The following OTOP1 variants were observed in gnomAD, a reference collection of about 807,000 sequenced individuals.
OTOP1 encodes proton channel OTOP1.
Under a neutral mutation model 52.9 loss-of-function variants are expected in OTOP1, and 59 were observed. The ratio of observed to expected loss-of-function variants is 1.12; its 90% CI spans 0.91 to 1.39. The LOEUF (loss-of-function observed/expected upper bound fraction) is 1.39. Ranked by LOEUF, OTOP1 falls within the 40% of genes most tolerant of loss-of-function variation. OTOP1 has a pLI of 0.00. For synonymous variants in OTOP1, 317 were observed against 337.7 expected, an observed-to-expected ratio of 0.94 and a Z score of 0.67; for missense variants, 761 against 800.9, an observed-to-expected ratio of 0.95 and a Z score of 0.60.
At chr4:4,216,524 T>C (rs1408719324) in intron 1 of OTOP1, among the ~76,000 whole-genome samples, 1 of 152,192 alleles carries the variant, frequency 6.6e-6, no homozygotes, top group East Asian at 1.9e-4. Context: ...ATCTCCAGCC[T>C]CAGAAGCCTC....
At chr4:4,221,043 CTATTTTATTTTATTTTATTT>C (rs144687423) in intron 1 of OTOP1, among the ~76,000 whole-genome samples, 4,029 of 129,456 alleles carry the variant, frequency 0.031, 77 homozygotes, top group African/African-American at 0.054. Context: ...TTATTTTATT[CTATTTTATTTTATTTTATTT>C]TATTTTATTT....
At chr4:4,199,674 A>G (rs996915913) in intron 4 of OTOP1, among the ~76,000 whole-genome samples, 6 of 152,184 alleles carry the variant, frequency 3.9e-5, no homozygotes, top group African/African-American at 1.4e-4. Flanking sequence ...CCGCCTCCCA[A>G]AGTTCTGGGA....
At chr4:4,223,363 G>C (rs1393285721) in intron 1 of OTOP1, among the ~76,000 whole-genome samples, 2 of 152,120 alleles carry the variant, frequency 1.3e-5, no homozygotes, top group African/African-American at 4.8e-5. Context: ...AAAGGAGGCA[G>C]AGAGAGAGGA....
At position 4,205,159 on chromosome 4, in the gene OTOP1, C is replaced by G. The variant is rs116408330; in HGVS notation, c.599+913G>C. The stretch of plus-strand genomic sequence containing the variant: ...TGTCGATTCTTTCCTTCCATCCTCA[C>G]CATCCCCTGGGAGGGTGGTGGGTGG... On this transcript the variant is annotated intron_variant, in intron 3 of 5. Coordinates refer to ENST00000296358, the MANE Select transcript of OTOP1 (RefSeq NM_177998.3). 7.1e-3 allele frequency among the ~76,000 whole-genome samples: 1,088 copies of G among 152,298 alleles called. 6 individuals carry two copies. The highest frequency in any genetic ancestry group is 0.025 in the African/African-American group (1,041 of 41,560).
At chr4:4,215,457 T>C (rs1409867448) in intron 1 of OTOP1, among the ~76,000 whole-genome samples, 1 of 151,430 alleles carries the variant, frequency 6.6e-6, no homozygotes, top group African/African-American at 2.4e-5. Context: ...AGGTTGGGAG[T>C]TCGAGAGCAG....
chr4:4,206,092 C>T lies in OTOP1; in HGVS notation c.579G>A (p.Gln193=), dbSNP rs1449676145. 10 of 1,607,224 alleles carry T rather than the reference C, an allele frequency of 6.2e-6. No homozygotes were observed. The highest frequency in any genetic ancestry group is 8.5e-6 in the Non-Finnish European group (10 of 1,174,058). The part of the protein sequence containing the change: ...FLWGHAKDII[Q]SFKTLERFGV... ...TTTACCTTTCCAGTGTTTTGAAAGA[C>T]TGGATAATATCCTTTGCATGCCCCC... is the stretch of plus-strand genomic sequence containing the variant. The change falls in exon 3 of 6, where the codon CAG becomes CAA. Residue 193 remains glutamine, a synonymous_variant. Transcript: ENST00000296358.
intron 4 of OTOP1, among the ~76,000 whole-genome samples, chr4:4,198,377 A>ACTCTATTGT (rs1716701526): frequency 6.6e-6 from 1 of 151,920 alleles, no homozygotes; most frequent in Non-Finnish European, 1.5e-5. Context: ...AAAAATAGAT[A>ACTCTATTGT]TGTAGATGAT....
At chr4:4,209,364 T>A (rs2083722) in intron 2 of OTOP1, among the ~76,000 whole-genome samples, 182 of 152,334 alleles carry the variant, frequency 1.2e-3, no homozygotes, top group African/African-American at 4.0e-3. Context: ...TCCAGTCATC[T>A]AATGTAGCAA....
At chr4:4,206,436 A>T (rs1292013537) in intron 2 of OTOP1, among the ~76,000 whole-genome samples, 1 of 152,252 alleles carries the variant, frequency 6.6e-6, no homozygotes, top group Non-Finnish European at 1.5e-5. Flanking sequence ...GTATGGAAGT[A>T]GTAGCCTGCT....
intron 1 of OTOP1, among the ~76,000 whole-genome samples, chr4:4,221,987 CT>C (rs762159223): frequency 5.9e-5 from 9 of 152,134 alleles, no homozygotes; most frequent in Non-Finnish European, 1.3e-4. Flanking sequence ...ATCTTCTTCC[CT>C]GGAGCTTCTA....
chr4:4,223,437 G>A (rs369687850), intron 1 of OTOP1, among the ~76,000 whole-genome samples: 5,714 of 151,552 alleles, frequency 0.038, 145 homozygotes, highest in African/African-American at 0.062. Flanking sequence ...ATGGATGGAT[G>A]GATGGATGAT....
chr4:4,199,610 G>A (rs1259519064), intron 4 of OTOP1, among the ~76,000 whole-genome samples: 6 of 152,024 alleles, frequency 3.9e-5, no homozygotes, highest in African/African-American at 1.4e-4. Flanking sequence ...ACAGGGTTCC[G>A]CCACGTTGGC....
In OTOP1 at chr4:4,198,009, T is replaced by A. The variant is rs759785476; in HGVS notation, c.825A>T (p.Ile275=). 21 of 1,613,898 alleles carry A rather than the reference T, an allele frequency of 1.3e-5. No individual in the cohort carries two copies. The highest frequency in any genetic ancestry group is 1.6e-4 in the Middle Eastern group (1 of 6,082). Residue 275 remains isoleucine (I), a synonymous_variant, in exon 5 of 6, where the codon ATA becomes ATT. Coordinates refer to ENST00000296358, the MANE Select transcript of OTOP1 (RefSeq NM_177998.3). ...TTGTGGAGGCCAGGATCTGATACTC[T>A]ATGTTGAAGGGGTAGAGGTAGTAGA... ...HGIYYLYPFN[I]EYQILASTML...
rs1489112546 is a variant in OTOP1 at position 4,199,253 on chromosome 4, A to T, written c.731-1150T>A. 4.0e-4 allele frequency among the ~76,000 whole-genome samples: 30 copies of T among 75,112 alleles called. 1 individual carries two copies. The highest frequency in any genetic ancestry group is 9.7e-4 in the African/African-American group (20 of 20,532). 49.3% of individuals were successfully genotyped at this position (75,112 alleles called of 152,430 possible). A position where few individuals can be genotyped will look rare whatever the true frequency, so the allele number is the denominator to read the frequency against. ...GTGTGTGAGAGAGAGAGAGAGAGAG[A>T]GAGAGAGAGAGAGAGAGAGAGAGGA... On this transcript the variant is annotated intron_variant, in intron 4 of 5. Coordinates refer to ENST00000296358, the MANE Select transcript of OTOP1 (RefSeq NM_177998.3).
rs145363406 is a variant in OTOP1, at chr4:4,197,230, T to C, written c.1604A>G (p.Gln535Arg). 2.2e-5 allele frequency: 36 copies of C among 1,613,838 alleles called. No individual in the cohort carries two copies. Among genetic ancestry groups the C allele is most frequent in the Non-Finnish European group, 3.1e-5 (36 of 1,179,982 alleles). The change falls in exon 5 of 6, where the codon CAG (glutamine) becomes CGG (arginine). Residue 535 changes from glutamine to arginine, a missense_variant. By Grantham distance (43) the Gln-to-Arg change is conservative. Coordinates refer to ENST00000296358, the MANE Select transcript of OTOP1 (RefSeq NM_177998.3). ...CAGGACTTTTCTCTTGGCGTTGCCCTGTAAGAAACGGGGAAGGCGGACTGG... is the reference window on the plus strand; with the variant it reads ...CAGGACTTTTCTCTTGGCGTTGCCCCGTAAGAAACGGGGAAGGCGGACTGG... Reference protein sequence around the residue: ...PSPVRLPRFLQGNAKRKVLRN... With the variant: ...PSPVRLPRFLRGNAKRKVLRN...
At chr4:4,205,230 C>T (rs772764554) in intron 3 of OTOP1, among the ~76,000 whole-genome samples, 3 of 152,154 alleles carry the variant, frequency 2.0e-5, no homozygotes, top group Non-Finnish European at 2.9e-5. Context: ...TTACACGGTG[C>T]TTTACATCAA....
chr4:4,208,236 T>C (rs1422713465), intron 2 of OTOP1, among the ~76,000 whole-genome samples: 1 of 152,212 alleles, frequency 6.6e-6, no homozygotes. Flanking sequence ...ACAAGGAATT[T>C]CCTAGTGGAC....
intron 4 of OTOP1, 55 bp from the exon 5 acceptor site, chr4:4,198,158 C>G: frequency 7.0e-7 from 1 of 1,429,554 alleles, no homozygotes; most frequent in Non-Finnish European, 9.7e-7. Flanking sequence ...CAAGGGGGAA[C>G]AGAAAAGCAC....
At chr4:4,203,526 C>T (rs1188674558) in intron 3 of OTOP1, among the ~76,000 whole-genome samples, 1 of 152,156 alleles carries the variant, frequency 6.6e-6, no homozygotes, top group African/African-American at 2.4e-5. Flanking sequence ...CCTCCTAAGG[C>T]AGAAGATAGA....
Sources: gnomAD v4.1 joint callset for allele counts (sites outside exome capture counted in the v4.1 genomes callset) on GRCh38, gnomAD v4.1.1 for gene constraint, MANE v1.5 for transcripts, NCBI Gene and HGNC (gene_info 2026-07-23, HGNC 2026-07-21) for gene names.